Variants in NTRK1 observed in about 807,000 individuals in gnomAD.
NTRK1 encodes high affinity nerve growth factor receptor.
NTRK1 carries 62 observed loss-of-function variants against 86.8 expected under a neutral mutation model. The ratio of observed to expected loss-of-function variants is 0.71; its 90% CI spans 0.58 to 0.88. The LOEUF is 0.88. NTRK1 is among the 40% of genes least tolerant of loss of function. The pLI, the probability that NTRK1 is intolerant of heterozygous loss-of-function variation, is 0.00. For synonymous variants in NTRK1, 469 were observed against 456.6 expected (o/e 1.03, Z -0.35); for missense variants, 967 against 1,078.4 (o/e 0.90, Z 1.45).
intron 1 of NTRK1, chr1:156,840,925 G>A: frequency 6.2e-7 from 1 of 1,614,118 alleles, no homozygotes. Context: ...AGTGGGTGAG[G>A]AGTCAGGCTC....
rs1226324315 is a variant in NTRK1, at chr1:156,874,979, G to A, written c.1325G>A (p.Cys442Tyr). The change falls in exon 11 of 17, where the codon TGT becomes TAT. Residue 442 changes from cysteine to tyrosine, a missense_variant. Physicochemically the swap from Cys to Tyr is radical, Grantham distance 194. This residue lies in a region of NTRK1 where 637 missense variants were observed against 776.5 expected (regional missense o/e 0.82). Coordinates refer to ENST00000524377, the MANE Select transcript of NTRK1 (RefSeq NM_002529.4). ...LSTLLLVLNK[C>Y]GRRNKFGINR... ...ACGCTGCTCCTTGTGCTCAACAAAT[G>A]TGGACGGAGAAACAAGTTTGGGATC... 4 of 1,613,896 alleles carry A rather than the reference G, an allele frequency of 2.5e-6. No individual in the cohort carries two copies. Among genetic ancestry groups the A allele is most frequent in the Non-Finnish European group, 3.4e-6 (4 of 1,179,956 alleles).
At chr1:156,846,058 G>A (rs372970392) in intron 2 of NTRK1, 150 of 1,612,918 alleles carry the variant, frequency 9.3e-5, no homozygotes, top group Admixed American at 4.7e-4. Flanking sequence ...GTGGCTTCCA[G>A]CGCACCAGGA....
intron 2 of NTRK1, chr1:156,843,489 G>A: frequency 1.2e-6 from 2 of 1,614,156 alleles, no homozygotes; most frequent in South Asian, 1.1e-5. Flanking sequence ...TCTGCAACGG[G>A]AGGTGAGGGG....
rs1219023296 is a variant in NTRK1 at position 156,873,854 on chromosome 1, AACTACACGCT to A, written c.1073_1082del (p.Asn358SerfsTer109). The stretch of plus-strand genomic sequence containing the variant: ...CCAGCCCACCCACGTCAACAACGGC[AACTACACGCT>A]GCTGGCTGCCAACCCCTTCGGCCAG... On this transcript the variant is annotated frameshift_variant, in exon 8 of 17. Coordinates refer to ENST00000524377, the MANE Select transcript of NTRK1 (RefSeq NM_002529.4). LOFTEE classifies it high-confidence loss of function. 2 of 1,608,106 alleles carry A rather than the reference AACTACACGCT, an allele frequency of 1.2e-6. No individual in the cohort carries two copies. Among genetic ancestry groups the A allele is most frequent in the African/African-American group, 2.7e-5 (2 of 74,778 alleles).
At chr1:156,830,669 C>T (rs1382908314) in intron 1 of NTRK1, among the ~76,000 whole-genome samples, 1 of 151,450 alleles carries the variant, frequency 6.6e-6, no homozygotes, top group African/African-American at 2.4e-5. Context: ...ATTCTCTTGC[C>T]TCAACCTCCT....
At position 156,843,534 on chromosome 1, in the gene NTRK1, A is replaced by G. The variant is rs1213581068; in HGVS notation, c.50+1341A>G. The G allele has an allele frequency of 1.6e-5, 24 of 1,533,000 alleles. No homozygotes were observed. In the East Asian group the frequency reaches 5.4e-4, roughly 34 times the overall value. The allele number at this position is 1,533,000 out of a possible 1,614,324, so 95.0% of individuals were successfully genotyped here. On this transcript the variant is annotated intron_variant, in intron 2 of 16. Transcript: ENST00000392302. ...GAAGGGTTCTCAGGAAGGAATGAGC[A>G]ACATCAGAAGAAGGAAGAAGGACAT...
chr1:156,854,208 A>G lies in NTRK1; in HGVS notation c.51-10146A>G, dbSNP rs931128844. On this transcript the variant is annotated intron_variant, in intron 2 of 16. Coordinates refer to the NTRK1 transcript ENST00000392302. This position sits in a 1 kb window ranked among gnomAD's most constrained non-coding sequence, Gnocchi z 4.2. ...CGGAAGTCCTCCCCGGTGGCTGTGA[A>G]CATGAGCAGGATCTGCAGGTGGCCC... is the stretch of plus-strand genomic sequence containing the variant. 6.2e-7 allele frequency: 1 copy of G among 1,613,938 alleles called. No individual in the cohort carries two copies. Among genetic ancestry groups the G allele is most frequent in the Admixed American group, 1.7e-5 (1 of 60,008 alleles).
chr1:156,872,121 C>G (rs1647597861), intron 7 of NTRK1, among the ~76,000 whole-genome samples: 1 of 152,202 alleles, frequency 6.6e-6, no homozygotes, highest in Admixed American at 6.5e-5. Flanking sequence ...CTGAGTTCCT[C>G]TTTACGCTCG....
upstream of NTRK1, chr1:156,858,603 A>G (rs755304667): frequency 1.2e-6 from 2 of 1,613,976 alleles, no homozygotes; most frequent in African/African-American, 2.7e-5. Flanking sequence ...CCCCAGGGCC[A>G]CAGACTAGGC....
intron 6 of NTRK1, 132 bp from the exon 7 acceptor site, chr1:156,871,490 CT>C: frequency 2.2e-6 from 2 of 915,308 alleles, no homozygotes; most frequent in South Asian, 1.6e-5. Flanking sequence ...TCTCCCACCC[CT>C]CTCTCCCTTC....
chr1:156,846,174 A>G (rs575489231), intron 2 of NTRK1: 11 of 1,496,490 alleles, frequency 7.4e-6, no homozygotes, highest in Non-Finnish European at 8.9e-6. Flanking sequence ...CCTGAATACT[A>G]TCTAGTAATG....
chr1:156,858,003 C>G (rs1275497464), upstream of NTRK1, among the ~76,000 whole-genome samples: 1 of 152,120 alleles, frequency 6.6e-6, no homozygotes, highest in East Asian at 1.9e-4. Context: ...AGCAGTCTTC[C>G]CCCAAAACCA....
At chr1:156,847,399 G>A (rs555793019) in intron 2 of NTRK1, among the ~76,000 whole-genome samples, 1 of 152,344 alleles carries the variant, frequency 6.6e-6, no homozygotes, top group East Asian at 1.9e-4. Context: ...AGCATCACTG[G>A]CTTTAGGGGT....
intron 1 of NTRK1, among the ~76,000 whole-genome samples, chr1:156,836,784 ACTGAATGAGGAGCATATTTCACAGGG>A (rs1558080348): frequency 9.7e-4 from 27 of 27,902 alleles, no homozygotes; most frequent in Non-Finnish European, 1.2e-3. Flanking sequence ...ATTTCACAGG[ACTGAATGAGGAGCATATTTCACAGGG>A]CTGAATGAGG....
At chr1:156,849,787 CAGG>C in intron 2 of NTRK1, among the ~76,000 whole-genome samples, 1 of 152,042 alleles carries the variant, frequency 6.6e-6, no homozygotes, top group Non-Finnish European at 1.5e-5. Flanking sequence ...TTGGAGACAC[CAGG>C]AGGAGTAGTA....
chr1:156,881,677 A>C lies in NTRK1; in HGVS notation c.*35A>C, dbSNP rs769163958. ...CCAGGGGCTGGGAGTGGTTAGCCGG[A>C]ATACTGGGGCCTGCCCTCAGCATCC... On this transcript the variant is annotated 3_prime_UTR_variant, in exon 17 of 17. Coordinates refer to ENST00000524377, the MANE Select transcript of NTRK1 (RefSeq NM_002529.4). 1 of 1,572,498 alleles carries C rather than the reference A, an allele frequency of 6.4e-7. No individual in the cohort carries two copies.
intron 1 of NTRK1, among the ~76,000 whole-genome samples, chr1:156,826,229 CT>C (rs1257559567): frequency 6.9e-6 from 1 of 145,364 alleles, no homozygotes. Context: ...CCTTTTCAAA[CT>C]TTTTTTGGTT....
chr1:156,872,035 C>T lies in NTRK1; in HGVS notation c.850+280C>T, dbSNP rs535339954. Among the ~76,000 whole-genome samples the T allele has an allele frequency of 2.2e-4, 34 of 152,140 alleles. 1 individual carries two copies. The highest frequency in any genetic ancestry group is 7.2e-4 in the Admixed American group (11 of 15,266). ...AGATGCCCGGCTGTTCCCACTGCTC[C>T]GAAGTATTTTTTCATGCCCGTCCCT... On this transcript the variant is annotated intron_variant, in intron 7 of 16. Coordinates refer to ENST00000524377, the MANE Select transcript of NTRK1 (RefSeq NM_002529.4).
chr1:156,816,364 G>A (rs914260286), intron 1 of NTRK1, among the ~76,000 whole-genome samples: 2 of 152,166 alleles, frequency 1.3e-5, no homozygotes, highest in African/African-American at 4.8e-5. Context: ...GGATGGTCAG[G>A]GAGGCAGATC....
Sources: allele counts gnomAD v4.1 joint callset (sites outside exome capture counted in the v4.1 genomes callset), GRCh38; gene constraint gnomAD v4.1.1; regional missense constraint gnomAD v4.1.1; non-coding constraint Gnocchi (gnomAD v3.1); transcripts MANE v1.5; gene names NCBI Gene and HGNC (gene_info 2026-07-23, HGNC 2026-07-21).